The following OR6C74 variants were observed in gnomAD, a reference collection of about 807,000 sequenced individuals.
The protein encoded by OR6C74 is olfactory receptor 6C74.
For missense variants in OR6C74, 361 were observed against 362.9 expected (o/e 0.99, Z 0.04); for synonymous variants, 142 against 134.2 (o/e 1.06, Z -0.40).
Position 55,247,867 on chromosome 12 carries a change from G to C in OR6C74, c.580G>C (p.Glu194Gln), listed in dbSNP as rs1183569653. The C allele has an allele frequency of 6.2e-7, 1 of 1,613,780 alleles. No individual in the cohort carries two copies. The highest frequency in any genetic ancestry group is 1.7e-5 in the Admixed American group (1 of 59,984). ...QLSCTDTDII[E>Q]LMMLLSAILT... Reference sequence around the variant, plus strand: ...CTCTTGCACAGACACTGACATAATAGAATTAATGATGCTTCTCTCAGCCAT... The same window carrying C: ...CTCTTGCACAGACACTGACATAATACAATTAATGATGCTTCTCTCAGCCAT... Residue 194 changes from glutamate (E) to glutamine (Q), a missense_variant, in exon 2 of 2, where the codon GAA (glutamate) becomes CAA (glutamine). Glu to Gln is a conservative substitution (Grantham distance 29). Transcript: ENST00000343399.
At position 55,255,906 on chromosome 12, in the gene OR6C74, A is replaced by G. The variant is rs115982867; in HGVS notation, c.*7680A>G. Reference sequence around the variant, plus strand: ...TTGCCAGGACTTTGTTGGAGTAAGGATTAAACGAGGAAGCATAGGGAATCT... The same window carrying G: ...TTGCCAGGACTTTGTTGGAGTAAGGGTTAAACGAGGAAGCATAGGGAATCT... On this transcript the variant is annotated 3_prime_UTR_variant, in exon 2 of 2. Coordinates refer to ENST00000343399, the MANE Select transcript of OR6C74 (RefSeq NM_001005490.2). Among the ~76,000 whole-genome samples the G allele has an allele frequency of 9.9e-3, 1,514 of 152,218 alleles. 29 individuals are homozygous for G. The highest frequency in any genetic ancestry group is 0.037 in the East Asian group (191 of 5,166).
Position 55,247,806 on chromosome 12 carries a change from T to A in OR6C74, c.519T>A (p.Asp173Glu). The A allele has an allele frequency of 6.2e-7, 1 of 1,614,020 alleles. No homozygotes were observed. The highest frequency in any genetic ancestry group is 2.2e-5 in the East Asian group (1 of 44,858). Residue 173 changes from aspartate (D) to glutamate (E), a missense_variant, in exon 2 of 2, where the codon GAT (aspartate) becomes GAA (glutamate). Coordinates refer to ENST00000343399, the MANE Select transcript of OR6C74 (RefSeq NM_001005490.2). The stretch of plus-strand genomic sequence containing the variant: ...ATTTCTGTGCAGCCAACACTGTAGA[T>A]CATTTCTTCTGTGATGTTTCTCCTA... ...QLDFCAANTV[D>E]HFFCDVSPIL...
At position 55,255,238 on chromosome 12, in the gene OR6C74, G is replaced by T. The variant is rs776087624; in HGVS notation, c.*7012G>T. On this transcript the variant is annotated 3_prime_UTR_variant, in exon 2 of 2. Transcript: ENST00000343399. ...TGATTGTGTCTGCTCTACCCATGGAGCCCCCTCTGCATTGCACCCCCTGGG... is the reference window on the plus strand; with the variant it reads ...TGATTGTGTCTGCTCTACCCATGGATCCCCCTCTGCATTGCACCCCCTGGG... 6.6e-6 allele frequency among the ~76,000 whole-genome samples: 1 copy of T among 152,060 alleles called. No homozygotes were observed. The highest frequency in any genetic ancestry group is 1.5e-5 in the Non-Finnish European group (1 of 67,970).
chr12:55,247,073 C>A, intron 1 of OR6C74: 1 of 449,576 alleles, frequency 2.2e-6, no homozygotes, highest in Non-Finnish European at 3.9e-6. Context: ...CATTTATGGC[C>A]ATTGAGAAAA....
At chr12:55,246,460 T>A (rs1954270548) in intron 1 of OR6C74, among the ~76,000 whole-genome samples, 1 of 152,188 alleles carries the variant, frequency 6.6e-6, no homozygotes, top group African/African-American at 2.4e-5. Flanking sequence ...CTCAAAGCAA[T>A]CTTCCTGCCT....
rs542822525 is a variant in OR6C74, at chr12:55,251,516, T to C, written c.*3290T>C. Among the ~76,000 whole-genome samples, 2 of 152,098 alleles carry C rather than the reference T, an allele frequency of 1.3e-5. No individual in the cohort carries two copies. Among genetic ancestry groups the C allele is most frequent in the East Asian group, 3.9e-4 (2 of 5,168 alleles). ...TGAGTGAAGTTAATATGTTCATCTA[T>C]AAAATAAGATTAAAATGTGGCATTT... On this transcript the variant is annotated 3_prime_UTR_variant, in exon 2 of 2. Transcript: ENST00000343399.
At position 55,248,392 on chromosome 12, in the gene OR6C74, T is replaced by A; in HGVS notation, c.*166T>A. The A allele has an allele frequency of 1.8e-6, 1 of 570,922 alleles. No homozygotes were observed. Among genetic ancestry groups the A allele is most frequent in the South Asian group, 2.5e-5 (1 of 40,550 alleles). The allele number at this position is 570,922 out of a possible 1,614,324, so 35.4% of individuals were successfully genotyped here. On this transcript the variant is annotated 3_prime_UTR_variant, in exon 2 of 2. Coordinates refer to ENST00000343399, the MANE Select transcript of OR6C74 (RefSeq NM_001005490.2). The stretch of plus-strand genomic sequence containing the variant: ...AAAGCCTAACCTTCACTGCCATTTC[T>A]CCCTCATGCTGAGATCACATAGAAA...
rs1954308692 is a variant in OR6C74, at chr12:55,251,084, A to G, written c.*2858A>G. ...ATGACAAAATTCCCCAAATATTTGC[A>G]TAACCTGGCCTGTCCAGTTTGGTTT... On this transcript the variant is annotated 3_prime_UTR_variant, in exon 2 of 2. Coordinates refer to ENST00000343399, the MANE Select transcript of OR6C74 (RefSeq NM_001005490.2). Among the ~76,000 whole-genome samples the G allele has an allele frequency of 6.6e-6, 1 of 152,120 alleles. No homozygotes were observed. The highest frequency in any genetic ancestry group is 1.5e-5 in the Non-Finnish European group (1 of 67,994).
intron 1 of OR6C74, among the ~76,000 whole-genome samples, chr12:55,245,403 T>A (rs1440422415): frequency 2.0e-5 from 3 of 152,100 alleles, no homozygotes; most frequent in African/African-American, 7.2e-5. Flanking sequence ...AAAAAATAAT[T>A]TTTTTCCTGA....
chr12:55,255,629 G>A lies in OR6C74; in HGVS notation c.*7403G>A, dbSNP rs1368469858. On this transcript the variant is annotated 3_prime_UTR_variant, in exon 2 of 2. Coordinates refer to ENST00000343399, the MANE Select transcript of OR6C74 (RefSeq NM_001005490.2). ...TATAAAATATACATCCATAAAAAAC[G>A]ATGAGTTCATATCCTTTGCAGGGAC... Among the ~76,000 whole-genome samples the A allele has an allele frequency of 3.3e-5, 5 of 152,150 alleles. No homozygotes were observed. The highest frequency in any genetic ancestry group is 2.1e-4 in the South Asian group (1 of 4,824).
Position 55,248,086 on chromosome 12 carries a change from T to A in OR6C74, c.799T>A (p.Ser267Thr). ...YVKPSAKERV[S>T]LNKGIALLST... ...GAAACCCTCAGCAAAAGAAAGAGTG[T>A]CATTAAATAAAGGGATAGCTCTGCT... is the stretch of plus-strand genomic sequence containing the variant. The change falls in exon 2 of 2, where the codon TCA becomes ACA. Residue 267 changes from serine to threonine, a missense_variant. By Grantham distance (58) the Ser-to-Thr change is moderately conservative. Coordinates refer to ENST00000343399, the MANE Select transcript of OR6C74 (RefSeq NM_001005490.2). 2 of 1,614,096 alleles carry A rather than the reference T, an allele frequency of 1.2e-6. No homozygotes were observed. Among genetic ancestry groups the A allele is most frequent in the Non-Finnish European group, 1.7e-6 (2 of 1,179,968 alleles).
chr12:55,253,446 T>C lies in OR6C74; in HGVS notation c.*5220T>C, dbSNP rs1239231910. 6.6e-6 allele frequency among the ~76,000 whole-genome samples: 1 copy of C among 152,070 alleles called. No individual in the cohort carries two copies. ...TCCAAGGATATAATGATGCTGTCTG[T>C]TTATTATCTCTTAGTGAGGGAGACC... On this transcript the variant is annotated 3_prime_UTR_variant, in exon 2 of 2. Coordinates refer to ENST00000343399, the MANE Select transcript of OR6C74 (RefSeq NM_001005490.2).
In OR6C74 at chr12:55,251,328, T is replaced by C. The variant is rs1364682205; in HGVS notation, c.*3102T>C. Among the ~76,000 whole-genome samples the C allele has an allele frequency of 6.6e-6, 1 of 152,086 alleles. No individual in the cohort carries two copies. The highest frequency in any genetic ancestry group is 2.4e-5 in the African/African-American group (1 of 41,442). ...GTCACTTCATACTCAAATTTTGTAG[T>C]GTTTGTAGTCAACTCTAGATGGTGC... is the stretch of plus-strand genomic sequence containing the variant. On this transcript the variant is annotated 3_prime_UTR_variant, in exon 2 of 2. Transcript: ENST00000343399.
chr12:55,247,205 T>G, intron 1 of OR6C74, 74 bp from the exon 2 acceptor site: 1 of 804,538 alleles, frequency 1.2e-6, no homozygotes, highest in Non-Finnish European at 2.0e-6. Context: ...TTATGGTGGA[T>G]TTCAAGAAAA....
chr12:55,249,870 A>G lies in OR6C74; in HGVS notation c.*1644A>G, dbSNP rs1000668685. On this transcript the variant is annotated 3_prime_UTR_variant, in exon 2 of 2. Transcript: ENST00000343399. Reference sequence around the variant, plus strand: ...TGCTGCACCCATTAACTTGTCATTTACATTAGGTATATCTCCTAATGCTAT... The same window carrying G: ...TGCTGCACCCATTAACTTGTCATTTGCATTAGGTATATCTCCTAATGCTAT... Among the ~76,000 whole-genome samples the G allele has an allele frequency of 6.6e-6, 1 of 152,008 alleles. No homozygotes were observed. Among genetic ancestry groups the G allele is most frequent in the Non-Finnish European group, 1.5e-5 (1 of 68,000 alleles).
At position 55,247,132 on chromosome 12, in the gene OR6C74, A is replaced by G. The variant is rs1954274939; in HGVS notation, c.-9-147A>G. The G allele has an allele frequency of 1.8e-5, 9 of 501,548 alleles. No homozygotes were observed. The East Asian group carries it at 2.8e-4, about 16-fold the overall frequency. 31.1% of individuals were successfully genotyped at this position (501,548 alleles called of 1,614,324 possible). A position where few individuals can be genotyped will look rare whatever the true frequency, so the allele number is the denominator to read the frequency against. ...TGTATTTAGCAACATTTTGAGTAAA[A>G]ATCACATAAGTTAATTTTTATAGGC... On this transcript the variant is annotated intron_variant, in intron 1 of 1. Coordinates refer to ENST00000343399, the MANE Select transcript of OR6C74 (RefSeq NM_001005490.2).
Position 55,247,898 on chromosome 12 carries a change from C to T in OR6C74, c.611C>T (p.Thr204Met), listed in dbSNP as rs200658714. The change falls in exon 2 of 2, where the codon ACG (threonine) becomes ATG (methionine). Residue 204 changes from threonine (T) to methionine (M), a missense_variant. By Grantham distance (81) the Thr-to-Met change is moderately conservative (BLOSUM62 -1). Coordinates refer to ENST00000343399, the MANE Select transcript of OR6C74 (RefSeq NM_001005490.2). ...ATGATGCTTCTCTCAGCCATTTTGA[C>T]GCTCCTGGTTACACTGGTATTAGTG... is the stretch of plus-strand genomic sequence containing the variant. ...ELMMLLSAIL[T>M]LLVTLVLVIL... The T allele has an allele frequency of 5.6e-5, 90 of 1,613,804 alleles. No homozygotes were observed. The Middle Eastern group carries it at 2.0e-3, about 35-fold the overall frequency.
chr12:55,250,385 T>C lies in OR6C74; in HGVS notation c.*2159T>C, dbSNP rs755134979. ...TAATCCAAAAATGAATTATTGACAA[T>C]TTTGTGAAATTCAGAAATATACTTA... On this transcript the variant is annotated 3_prime_UTR_variant, in exon 2 of 2. Transcript: ENST00000343399. Among the ~76,000 whole-genome samples, 5 of 152,104 alleles carry C rather than the reference T, an allele frequency of 3.3e-5. No homozygotes were observed. The highest frequency in any genetic ancestry group is 4.8e-5 in the African/African-American group (2 of 41,434).
Position 55,256,277 on chromosome 12 carries a change from C to A in OR6C74, c.*8051C>A, listed in dbSNP as rs1004395609. 6.6e-6 allele frequency among the ~76,000 whole-genome samples: 1 copy of A among 152,000 alleles called. No individual in the cohort carries two copies. Among genetic ancestry groups the A allele is most frequent in the Non-Finnish European group, 1.5e-5 (1 of 67,980 alleles). On this transcript the variant is annotated 3_prime_UTR_variant, in exon 2 of 2. Transcript: ENST00000343399. ...ATAAATGGACGCATTGGGGGGGCAC[C>A]TGTTCATATGGATAAGATAGGGCTA...
Sources: allele counts gnomAD v4.1 joint callset (sites outside exome capture counted in the v4.1 genomes callset), GRCh38; gene constraint gnomAD v4.1.1; transcripts MANE v1.5; gene names NCBI Gene and HGNC (gene_info 2026-07-23, HGNC 2026-07-21).